ACMSD: variants seen among roughly 807,000 people sequenced by gnomAD.
ACMSD encodes aminocarboxymuconate semialdehyde decarboxylase, also known as 2-amino-3-carboxymuconate-6-semialdehyde decarboxylase.
Under a neutral mutation model 45.9 loss-of-function variants are expected in ACMSD, and 37 were observed. That is an observed-to-expected ratio of 0.81 (90% CI 0.62 to 1.06). The LOEUF (loss-of-function observed/expected upper bound fraction) is 1.06, where lower values mean the gene tolerates loss of function less well. ACMSD is among the 50% of genes least tolerant of loss of function. The pLI is 0.00. For missense variants in ACMSD, 434 were observed against 420.9 expected, an observed-to-expected ratio of 1.03 and a Z score of -0.27; for synonymous variants, 138 against 148.8, an observed-to-expected ratio of 0.93 and a Z score of 0.53.
At position 134,872,616 on chromosome 2, in the gene ACMSD, A is replaced by G. The variant is rs151324307; in HGVS notation, c.824A>G (p.Lys275Arg). Reference protein sequence around the residue: ...DALVHDPLSLKLLTDVIGKDK... With the variant: ...DALVHDPLSLRLLTDVIGKDK... ...TTGGTTCATGATCCTCTGTCCCTCA[A>G]GCTGTTAACAGATGTCATAGGAAAG... The change falls in exon 8 of 10, where the codon AAG (lysine) becomes AGG (arginine). Residue 275 changes from lysine (K) to arginine (R), a missense_variant. Lys to Arg is a conservative substitution (Grantham distance 26, BLOSUM62 2). Coordinates refer to ENST00000356140, the MANE Select transcript of ACMSD (RefSeq NM_138326.3). The G allele has an allele frequency of 2.2e-5, 36 of 1,614,132 alleles. No individual in the cohort carries two copies. The highest frequency in any genetic ancestry group is 1.6e-4 in the Middle Eastern group (1 of 6,062).
chr2:134,866,737 C>G (rs187890998), intron 5 of ACMSD, among the ~76,000 whole-genome samples: 1 of 152,184 alleles, frequency 6.6e-6, no homozygotes, highest in Non-Finnish European at 1.5e-5. Flanking sequence ...TGAATCTTGA[C>G]GAGCACTAAT....
intron 9 of ACMSD, 149 bp downstream of exon 9, chr2:134,898,588 C>T (rs373156292): frequency 2.1e-6 from 1 of 476,718 alleles, no homozygotes; most frequent in Non-Finnish European, 3.6e-6. Flanking sequence ...CCATAAATAG[C>T]TAAACTATTA....
intron 2 of ACMSD, among the ~76,000 whole-genome samples, chr2:134,846,624 C>T (rs1687065288): frequency 6.6e-6 from 1 of 152,034 alleles, no homozygotes; most frequent in Admixed American, 6.6e-5. Flanking sequence ...CCAGGCTGAC[C>T]TCGAACTCCT....
chr2:134,876,400 T>C (rs550936847), intron 8 of ACMSD, among the ~76,000 whole-genome samples: 119 of 152,314 alleles, frequency 7.8e-4, no homozygotes, highest in African/African-American at 2.7e-3. Flanking sequence ...CTTTATATCC[T>C]GATAATCTCT....
intron 8 of ACMSD, among the ~76,000 whole-genome samples, chr2:134,893,078 C>T (rs2104953707): frequency 6.6e-6 from 1 of 152,280 alleles, no homozygotes. Flanking sequence ...TTTTCTTTAT[C>T]ACTCACTGAA....
intron 8 of ACMSD, among the ~76,000 whole-genome samples, chr2:134,895,349 A>ATATATATGTT (rs138907753): frequency 7.1e-6 from 1 of 140,042 alleles, no homozygotes; most frequent in Non-Finnish European, 1.5e-5. Context: ...ATATATATAT[A>ATATATATGTT]ACATATATAA....
chr2:134,867,362 C>A (rs528387824), intron 5 of ACMSD: 7 of 358,708 alleles, frequency 2.0e-5, no homozygotes, highest in South Asian at 2.2e-4. Context: ...AATCTACCAA[C>A]CCCCTTTGTT....
In ACMSD at chr2:134,843,142, C is replaced by G. The variant is rs1329171828; in HGVS notation, c.58-2091C>G. On this transcript the variant is annotated intron_variant, in intron 1 of 9. Transcript: ENST00000356140. ...ATTAAGGTCATATTCCATTCCTCCC[C>G]CAACACACCTCTCTTGGCAGCTTTT... Among the ~76,000 whole-genome samples the G allele has an allele frequency of 3.3e-5, 5 of 152,256 alleles. No homozygotes were observed. The South Asian group carries it at 6.2e-4, about 19-fold the overall frequency.
intron 6 of ACMSD, 175 bp downstream of exon 6, chr2:134,867,847 C>A (rs922079303): frequency 1.8e-5 from 7 of 385,446 alleles, no homozygotes; most frequent in African/African-American, 1.4e-4. Flanking sequence ...ATATATATAA[C>A]CTCATTTAAT....
At chr2:134,854,481 G>A (rs1687488091) in intron 2 of ACMSD, among the ~76,000 whole-genome samples, 1 of 152,172 alleles carries the variant, frequency 6.6e-6, no homozygotes, top group African/African-American at 2.4e-5. Context: ...TCATGCTAAT[G>A]CTGCCAAGGC....
intron 6 of ACMSD, among the ~76,000 whole-genome samples, 182 bp from the exon 7 acceptor site, chr2:134,870,783 C>G (rs1464347994): frequency 6.6e-6 from 1 of 152,162 alleles, no homozygotes; most frequent in African/African-American, 2.4e-5. Flanking sequence ...CTTCAAGTGG[C>G]AAGTAGGAAG....
At chr2:134,887,042 C>T (rs1386263259) in intron 8 of ACMSD, among the ~76,000 whole-genome samples, 1 of 152,008 alleles carries the variant, frequency 6.6e-6, no homozygotes, top group Non-Finnish European at 1.5e-5. Context: ...ATGTGTAAGA[C>T]CTCTACACTG....
chr2:134,885,285 T>TAATA (rs10636216), intron 8 of ACMSD, among the ~76,000 whole-genome samples: 57,612 of 104,078 alleles, frequency 0.55, 17,469 homozygotes, highest in Middle Eastern at 0.89. Flanking sequence ...ATATTATATA[T>TAATA]TATATTTATA....
At chr2:134,872,321 C>A (rs905566909) in intron 7 of ACMSD, 148 bp from the exon 8 acceptor site, 1 of 816,700 alleles carries the variant, frequency 1.2e-6, no homozygotes, top group Non-Finnish European at 1.9e-6. Context: ...GCCATTTCTT[C>A]CATCATCTCC....
At chr2:134,878,372 G>A (rs1688863525) in intron 8 of ACMSD, among the ~76,000 whole-genome samples, 1 of 152,092 alleles carries the variant, frequency 6.6e-6, no homozygotes, top group Non-Finnish European at 1.5e-5. Flanking sequence ...TGTCATCCTG[G>A]CTGGAGTGCA....
At chr2:134,861,108 A>G (rs945030463) in intron 3 of ACMSD, among the ~76,000 whole-genome samples, 1 of 152,188 alleles carries the variant, frequency 6.6e-6, no homozygotes, top group Non-Finnish European at 1.5e-5. Context: ...ACCTCTGTAG[A>G]GTACTCCACA....
Position 134,871,434 on chromosome 2 carries a change from C to T in ACMSD, c.676+374C>T, listed in dbSNP as rs142405012. Among the ~76,000 whole-genome samples, 621 of 151,974 alleles carry T rather than the reference C, an allele frequency of 4.1e-3. 7 individuals carry two copies. Among genetic ancestry groups the T allele is most frequent in the African/African-American group, 0.014 (574 of 41,434 alleles). On this transcript the variant is annotated intron_variant, in intron 7 of 9. Transcript: ENST00000356140. ...TTGAAGGAATTCAGTTCGTAACATC[C>T]TTCCAGCCATCATTCTAGTCACATG... is the stretch of plus-strand genomic sequence containing the variant.
chr2:134,869,361 C>T (rs1002344120), intron 6 of ACMSD, among the ~76,000 whole-genome samples: 3 of 152,014 alleles, frequency 2.0e-5, no homozygotes, highest in Non-Finnish European at 4.4e-5. Flanking sequence ...TACAAGTGCA[C>T]GCCACCACGC....
intron 2 of ACMSD, among the ~76,000 whole-genome samples, chr2:134,853,128 A>G (rs892092571): frequency 6.8e-6 from 1 of 146,796 alleles, no homozygotes; most frequent in African/African-American, 2.5e-5. Flanking sequence ...GCACCACTAC[A>G]CTCCAGCCTG....
Sources: gnomAD v4.1 joint callset for allele counts (sites outside exome capture counted in the v4.1 genomes callset) on GRCh38, gnomAD v4.1.1 for gene constraint, MANE v1.5 for transcripts, NCBI Gene and HGNC (gene_info 2026-07-23, HGNC 2026-07-21) for gene names.